The following CSMD1 variants were observed in gnomAD, a reference collection of about 807,000 sequenced individuals.
CSMD1 encodes CUB and sushi domain-containing protein 1.
In CSMD1, 213 loss-of-function variants were observed where a neutral mutation model predicts 417.5. The ratio of observed to expected loss-of-function variants is 0.51; its 90% CI spans 0.46 to 0.57. CSMD1 has a LOEUF of 0.57. CSMD1 is among the 20% of genes least tolerant of loss of function. CSMD1 has a pLI of 0.00. For missense variants in CSMD1, 6,923 were observed against 4,529.7 expected (o/e 1.53, Z -15.17); for synonymous variants, 2,862 against 1,736.8 (o/e 1.65, Z -16.11).
chr8:4,158,419 GCAAA>G (rs774421191), intron 3 of CSMD1, among the ~76,000 whole-genome samples: 15 of 151,800 alleles, frequency 9.9e-5, no homozygotes, highest in South Asian at 4.2e-4. Flanking sequence ...AAAGGATATT[GCAAA>G]CAAACAAACA....
chr8:3,973,454 G>A (rs961650257), intron 5 of CSMD1, among the ~76,000 whole-genome samples: 1 of 152,130 alleles, frequency 6.6e-6, no homozygotes, highest in Non-Finnish European at 1.5e-5. Flanking sequence ...TTGAAAATAT[G>A]TTGCAATATT....
chr8:3,705,928 G>A (rs1801141342), intron 7 of CSMD1, among the ~76,000 whole-genome samples: 1 of 152,198 alleles, frequency 6.6e-6, no homozygotes, highest in Admixed American at 6.5e-5. Context: ...GTCAGCAATA[G>A]GCATGTGGGC....
At chr8:4,097,606 T>G (rs544266167) in intron 3 of CSMD1, among the ~76,000 whole-genome samples, 1 of 152,238 alleles carries the variant, frequency 6.6e-6, no homozygotes, top group Non-Finnish European at 1.5e-5. Flanking sequence ...GATTAGCTTA[T>G]GTTGGAGATA....
chr8:3,782,883 C>G (rs1045917684), intron 5 of CSMD1, among the ~76,000 whole-genome samples: 1 of 151,998 alleles, frequency 6.6e-6, no homozygotes, highest in African/African-American at 2.4e-5. Flanking sequence ...ATACCGTGAG[C>G]CATTACCAAA....
At chr8:3,834,312 T>C (rs1802545480) in intron 5 of CSMD1, among the ~76,000 whole-genome samples, 1 of 152,288 alleles carries the variant, frequency 6.6e-6, no homozygotes, top group Admixed American at 6.5e-5. Flanking sequence ...CTTTACCCTC[T>C]GTGGATGTGG....
At chr8:3,594,246 T>C (rs11775554) in intron 8 of CSMD1, among the ~76,000 whole-genome samples, 33,855 of 151,944 alleles carry the variant, frequency 0.22, 3,892 homozygotes, top group Admixed American at 0.27. Context: ...AATGAGCTGC[T>C]AGTGTAAGAG....
At chr8:4,977,860 G>C (rs567276236) in intron 1 of CSMD1, among the ~76,000 whole-genome samples, 2 of 152,324 alleles carry the variant, frequency 1.3e-5, no homozygotes, top group South Asian at 4.2e-4. Flanking sequence ...TAAGCACAGT[G>C]GAAGAAGACC....
intron 1 of CSMD1, among the ~76,000 whole-genome samples, chr8:4,681,776 A>G (rs1218294765): frequency 1.3e-5 from 2 of 152,182 alleles, no homozygotes; most frequent in Non-Finnish European, 2.9e-5. Context: ...ATAAAGAGGT[A>G]TTTACCCCAT....
intron 2 of CSMD1, among the ~76,000 whole-genome samples, chr8:4,424,478 C>G (rs1008435508): frequency 6.6e-6 from 1 of 151,880 alleles, no homozygotes; most frequent in Admixed American, 6.6e-5. Context: ...CAAATTAAAA[C>G]CACAGAGAAA....
chr8:4,760,233 T>C (rs377032025), intron 1 of CSMD1, among the ~76,000 whole-genome samples: 2 of 152,230 alleles, frequency 1.3e-5, no homozygotes, highest in Non-Finnish European at 2.9e-5. Context: ...TTATATGCAC[T>C]ATTTTTAGAG....
chr8:4,581,167 T>G (rs575180486), intron 2 of CSMD1, among the ~76,000 whole-genome samples: 1 of 152,356 alleles, frequency 6.6e-6, no homozygotes, highest in African/African-American at 2.4e-5. Flanking sequence ...GAACACAAAT[T>G]TCTATTTTAG....
At chr8:4,593,656 C>A (rs1229154528) in intron 2 of CSMD1, among the ~76,000 whole-genome samples, 1 of 152,014 alleles carries the variant, frequency 6.6e-6, no homozygotes, top group Non-Finnish European at 1.5e-5. Context: ...TCTGAAAAGA[C>A]CTTAGTTTAA....
chr8:4,797,022 G>C lies in CSMD1; in HGVS notation c.86-159464C>G, dbSNP rs79378375. Among the ~76,000 whole-genome samples the C allele has an allele frequency of 5.7e-3, 864 of 152,250 alleles. 12 individuals carry two copies. The highest frequency in any genetic ancestry group is 0.019 in the African/African-American group (810 of 41,562). ...AGGTACATCTTATTCCATAAAGAAA[G>C]GGAGACTGTCAGCTAATTCTTAAGA... On this transcript the variant is annotated intron_variant, in intron 1 of 69. Coordinates refer to ENST00000635120, the MANE Select transcript of CSMD1 (RefSeq NM_033225.6).
At chr8:4,791,728 T>C (rs1458572557) in intron 1 of CSMD1, among the ~76,000 whole-genome samples, 1 of 152,168 alleles carries the variant, frequency 6.6e-6, no homozygotes, top group Non-Finnish European at 1.5e-5. Flanking sequence ...TTCAAGTATT[T>C]TCTGACGAAG....
intron 41 of CSMD1, among the ~76,000 whole-genome samples, chr8:3,126,803 C>T (rs1004026094): frequency 1.3e-5 from 2 of 152,156 alleles, no homozygotes; most frequent in Non-Finnish European, 2.9e-5. Context: ...AGTTTTGGGC[C>T]TCGCTGAGAC....
intron 10 of CSMD1, among the ~76,000 whole-genome samples, chr8:3,529,982 ATT>A (rs967556389): frequency 2.0e-5 from 3 of 152,040 alleles, no homozygotes; most frequent in Admixed American, 1.3e-4. Context: ...GCCATATGTC[ATT>A]TTTGTTTCCC....
chr8:4,659,811 T>A (rs1353101540), intron 1 of CSMD1, among the ~76,000 whole-genome samples: 5 of 152,114 alleles, frequency 3.3e-5, no homozygotes, highest in Non-Finnish European at 7.4e-5. Flanking sequence ...TTTTAATAAT[T>A]TTTAAATTAA....
chr8:4,972,221 G>A (rs977283910), intron 1 of CSMD1, among the ~76,000 whole-genome samples: 1 of 152,048 alleles, frequency 6.6e-6, no homozygotes, highest in African/African-American at 2.4e-5. Flanking sequence ...GGAAATTTTT[G>A]TGTCCTGTAA....
chr8:4,879,904 G>A (rs1803287070), intron 1 of CSMD1, among the ~76,000 whole-genome samples: 1 of 152,000 alleles, frequency 6.6e-6, no homozygotes, highest in Admixed American at 6.5e-5. Flanking sequence ...TTACAAGTCT[G>A]GATTTTATCT....
Sources: allele counts gnomAD v4.1 joint callset (sites outside exome capture counted in the v4.1 genomes callset), GRCh38; gene constraint gnomAD v4.1.1; transcripts MANE v1.5; gene names NCBI Gene and HGNC (gene_info 2026-07-23, HGNC 2026-07-21).